WWC2: variants seen among roughly 807,000 people sequenced by gnomAD.
WWC2 encodes WW and C2 domain containing 2, also known as protein WWC2.
In WWC2, 101 loss-of-function variants were observed where a neutral mutation model predicts 138.5. That is an observed-to-expected ratio of 0.73 (90% CI 0.62 to 0.86). WWC2 has a LOEUF of 0.86. WWC2 is among the 40% of genes least tolerant of loss of function. WWC2 has a pLI of 0.00. For synonymous variants in WWC2, 558 were observed against 538.4 expected (o/e 1.04, Z -0.50); for missense variants, 1,420 against 1,419.4 (o/e 1.00, Z -0.01).
intron 1 of WWC2, among the ~76,000 whole-genome samples, chr4:183,162,964 T>C (rs1040263945): frequency 2.6e-5 from 4 of 152,168 alleles, no homozygotes; most frequent in Non-Finnish European, 5.9e-5. Flanking sequence ...CTCTAGTGCC[T>C]TGGTGAGATG....
intron 10 of WWC2, 149 bp from the exon 11 acceptor site, chr4:183,260,761 C>T (rs534856918): frequency 4.7e-6 from 5 of 1,071,804 alleles, no homozygotes; most frequent in Middle Eastern, 3.1e-4. Context: ...GACACACGGC[C>T]GTAATATAGG....
chr4:183,209,300 G>A (rs181219037), intron 4 of WWC2, among the ~76,000 whole-genome samples: 2 of 152,166 alleles, frequency 1.3e-5, no homozygotes, highest in Non-Finnish European at 2.9e-5. Flanking sequence ...CCAGGCTAGC[G>A]CACTGCAATC....
chr4:183,124,472 A>G (rs543377722), intron 1 of WWC2, among the ~76,000 whole-genome samples: 3 of 147,100 alleles, frequency 2.0e-5, no homozygotes, highest in Admixed American at 1.3e-4. Flanking sequence ...GACTCTTTCT[A>G]ATTCGGTACT....
Position 183,220,611 on chromosome 4 carries a change from G to C in WWC2, c.522+11586G>C, listed in dbSNP as rs139647376. Among the ~76,000 whole-genome samples, 866 of 151,486 alleles carry C rather than the reference G, an allele frequency of 5.7e-3. 11 individuals are homozygous for C. Among genetic ancestry groups the C allele is most frequent in the African/African-American group, 0.02 (815 of 41,298 alleles). ...GCACTTTGGGAGGTCAAGGTGGGCA[G>C]ATCACAAGGTCAGGAGATTGAGACC... On this transcript the variant is annotated intron_variant, in intron 4 of 22. Transcript: ENST00000403733.
intron 1 of WWC2, among the ~76,000 whole-genome samples, chr4:183,104,727 C>G (rs1229735954): frequency 2.0e-5 from 3 of 152,132 alleles, no homozygotes; most frequent in Non-Finnish European, 2.9e-5. Context: ...TCCAAAAATT[C>G]CAAAAGAAAT....
At chr4:183,190,130 A>G (rs1273901703) in intron 1 of WWC2, among the ~76,000 whole-genome samples, 1 of 152,216 alleles carries the variant, frequency 6.6e-6, no homozygotes, top group Non-Finnish European at 1.5e-5. Flanking sequence ...GGAATTCAGC[A>G]TTAAGACTCT....
chr4:183,150,659 C>T lies in WWC2; in HGVS notation c.132-42940C>T, dbSNP rs1289435151. Among the ~76,000 whole-genome samples, 7 of 152,170 alleles carry T rather than the reference C, an allele frequency of 4.6e-5. No homozygotes were observed. The South Asian group carries it at 1.5e-3, about 32-fold the overall frequency. ...CTCGTCATTTACATTAAGTATTTCT[C>T]CTAATGCTATCCCTCCCCCATCTCC... On this transcript the variant is annotated intron_variant, in intron 1 of 22. Coordinates refer to ENST00000403733, the MANE Select transcript of WWC2 (RefSeq NM_024949.6).
In WWC2 at chr4:183,316,753, A is replaced by G. The variant is rs985368607; in HGVS notation, c.*1024A>G. ...AGAGTTTATCAAGCAGATTTCTAAC[A>G]TTTAGTAGAAACTACTTCATAGCTC... On this transcript the variant is annotated 3_prime_UTR_variant, in exon 23 of 23. Transcript: ENST00000403733. 1 of 152,258 alleles carries G rather than the reference A, an allele frequency of 6.6e-6. No individual in the cohort carries two copies. Among genetic ancestry groups the G allele is most frequent in the Admixed American group, 6.5e-5 (1 of 15,292 alleles). The allele number at this position is 152,258 out of a possible 1,614,324, so 9.4% of individuals were successfully genotyped here.
chr4:183,286,396 G>A (rs1738254875), intron 20 of WWC2, among the ~76,000 whole-genome samples: 1 of 152,150 alleles, frequency 6.6e-6, no homozygotes, highest in South Asian at 2.1e-4. Flanking sequence ...TCCAGGTCTT[G>A]AGCGATTGTG....
chr4:183,209,535 C>T (rs758514423), intron 4 of WWC2, among the ~76,000 whole-genome samples: 4 of 152,220 alleles, frequency 2.6e-5, no homozygotes, highest in Non-Finnish European at 4.4e-5. Flanking sequence ...CTGCGCCTGG[C>T]CTATTGGGCA....
intron 14 of WWC2, among the ~76,000 whole-genome samples, chr4:183,266,536 A>G (rs1192893632): frequency 6.6e-6 from 1 of 152,232 alleles, no homozygotes; most frequent in Non-Finnish European, 1.5e-5. Context: ...ATAAGCCTAA[A>G]GATCTCATGA....
chr4:183,179,484 AG>A (rs1279513066), intron 1 of WWC2, among the ~76,000 whole-genome samples: 1 of 152,146 alleles, frequency 6.6e-6, no homozygotes, highest in African/African-American at 2.4e-5. Flanking sequence ...AGATGCTAAT[AG>A]GTTGGATTAG....
chr4:183,237,175 C>T (rs1323852543), intron 4 of WWC2, among the ~76,000 whole-genome samples: 1 of 152,156 alleles, frequency 6.6e-6, no homozygotes, highest in Non-Finnish European at 1.5e-5. Flanking sequence ...AGAAATCTTT[C>T]ACTTCTTTAG....
chr4:183,154,854 T>C (rs1451961731), intron 1 of WWC2, among the ~76,000 whole-genome samples: 1 of 152,112 alleles, frequency 6.6e-6, no homozygotes, highest in Non-Finnish European at 1.5e-5. Context: ...TCAGAACCGC[T>C]CTACTGCCTA....
chr4:183,099,326 T>A lies in WWC2; in HGVS notation c.-166T>A. Reference sequence around the variant, plus strand: ...CAGCGGGGCCGCGAACAGCGTTTCCTGAGGCACCTCCCGCGCGTGGTTCCG... The same window carrying A: ...CAGCGGGGCCGCGAACAGCGTTTCCAGAGGCACCTCCCGCGCGTGGTTCCG... On this transcript the variant is annotated 5_prime_UTR_variant, in exon 1 of 23. Coordinates refer to ENST00000403733, the MANE Select transcript of WWC2 (RefSeq NM_024949.6). 2 of 585,188 alleles carry A rather than the reference T, an allele frequency of 3.4e-6. No individual in the cohort carries two copies. The highest frequency in any genetic ancestry group is 4.6e-6 in the Non-Finnish European group (2 of 430,876). 36.2% of individuals were successfully genotyped at this position (585,188 alleles called of 1,614,324 possible).
intron 22 of WWC2, among the ~76,000 whole-genome samples, 178 bp from the exon 23 acceptor site, chr4:183,315,485 C>T (rs987038688): frequency 6.6e-6 from 1 of 151,656 alleles, no homozygotes; most frequent in South Asian, 2.1e-4. Flanking sequence ...CTTGATACCC[C>T]CCCTTTAAGC....
chr4:183,253,448 G>A (rs1186044035), intron 8 of WWC2, among the ~76,000 whole-genome samples: 1 of 152,192 alleles, frequency 6.6e-6, no homozygotes, highest in Non-Finnish European at 1.5e-5. Flanking sequence ...GGCGCCCAGA[G>A]CACTCAGCTT....
intron 1 of WWC2, among the ~76,000 whole-genome samples, chr4:183,112,093 C>A (rs1178387282): frequency 6.6e-6 from 1 of 152,170 alleles, no homozygotes; most frequent in Admixed American, 6.5e-5. Context: ...GACTAGAAAC[C>A]AGTATTTAAC....
intron 8 of WWC2, among the ~76,000 whole-genome samples, chr4:183,253,380 C>A (rs1737036512): frequency 6.6e-6 from 1 of 152,124 alleles, no homozygotes; most frequent in African/African-American, 2.4e-5. Context: ...AAGGGAACCC[C>A]CCAGGCATCT....
Sources: allele counts gnomAD v4.1 joint callset (sites outside exome capture counted in the v4.1 genomes callset), GRCh38; gene constraint gnomAD v4.1.1; transcripts MANE v1.5; gene names NCBI Gene and HGNC (gene_info 2026-07-23, HGNC 2026-07-21).